MGAM: variants seen among roughly 807,000 people sequenced by gnomAD.
MGAM encodes the protein maltase-glucoamylase.
Under a neutral mutation model 358.8 loss-of-function variants are expected in MGAM, and 253 were observed. That is an observed-to-expected ratio of 0.71 (90% CI 0.64 to 0.78). The LOEUF (loss-of-function observed/expected upper bound fraction) is 0.78, where lower values mean the gene tolerates loss of function less well. MGAM is among the 30% of genes least tolerant of loss of function. The probability of loss-of-function intolerance (pLI) is 0.00; values close to 1 mark genes in which losing one functional copy is unlikely to be tolerated. For missense variants in MGAM, 3,080 were observed against 3,432.6 expected (o/e 0.90, Z 2.57); for synonymous variants, 1,105 against 1,227.1 (o/e 0.90, Z 2.08).
chr7:142,006,184 C>T (rs1476120917), intron 2 of MGAM, among the ~76,000 whole-genome samples: 1 of 151,848 alleles, frequency 6.6e-6, no homozygotes, highest in Non-Finnish European at 1.5e-5. Flanking sequence ...GTCTTTTTTA[C>T]ATTATTAACT....
chr7:142,022,533 G>A (rs1454348108), intron 7 of MGAM, 94 bp downstream of exon 7: 2 of 1,336,162 alleles, frequency 1.5e-6, no homozygotes, highest in African/African-American at 3.0e-5. Flanking sequence ...AAGAGTTAGA[G>A]TCTAGAGTGA....
intron 59 of MGAM, 138 bp downstream of exon 59, chr7:142,092,746 A>C: frequency 1.2e-6 from 1 of 847,622 alleles, no homozygotes; most frequent in Non-Finnish European, 1.8e-6. Context: ...GACCAGAGAC[A>C]AAAGCTCTGC....
intron 70 of MGAM, 82 bp downstream of exon 70, chr7:142,103,521 T>A: frequency 7.6e-7 from 1 of 1,309,268 alleles, no homozygotes. Context: ...CCCTTCCAAA[T>A]GATGCCCTCT....
rs1554469104 is a variant in MGAM at position 142,042,009 on chromosome 7, A to AAT, written c.2498+1167_2498+1168dup. 9.3e-3 allele frequency among the ~76,000 whole-genome samples: 150 copies of AAT among 16,124 alleles called. 4 individuals are homozygous for AAT. Among genetic ancestry groups the AAT allele is most frequent in the African/African-American group, 0.012 (68 of 5,788 alleles). The allele number at this position is 16,124 out of a possible 152,430, so 10.6% of individuals were successfully genotyped here. A position where few individuals can be genotyped will look rare whatever the true frequency, so the allele number is the denominator to read the frequency against. On this transcript the variant is annotated intron_variant, in intron 21 of 70. Transcript: ENST00000475668. The stretch of plus-strand genomic sequence containing the variant: ...TATAATATATATATATTATATATAT[A>AAT]ATATAATATATATATATTATATTAT...
intron 21 of MGAM, among the ~76,000 whole-genome samples, chr7:142,042,538 A>T (rs868265313): frequency 7.6e-5 from 1 of 13,178 alleles, no homozygotes. Context: ...TATATATATA[A>T]TATATATTAT....
chr7:142,080,236 T>G (rs1159171388), intron 49 of MGAM, among the ~76,000 whole-genome samples: 2 of 146,372 alleles, frequency 1.4e-5, no homozygotes, highest in East Asian at 4.0e-4. Context: ...CACCCAGGTG[T>G]TGTGAGCTGC....
At chr7:142,079,545 A>G (rs923033795) in intron 49 of MGAM, among the ~76,000 whole-genome samples, 5 of 146,068 alleles carry the variant, frequency 3.4e-5, no homozygotes, top group African/African-American at 1.2e-4. Flanking sequence ...TGAATTTGAG[A>G]TACGTATAAA....
intron 26 of MGAM, among the ~76,000 whole-genome samples, chr7:142,054,237 T>C (rs1585019601): frequency 2.0e-5 from 3 of 152,214 alleles, no homozygotes; most frequent in Non-Finnish European, 4.4e-5. Context: ...CTTATTCGCA[T>C]GTGAATTTCG....
chr7:142,003,380 G>A (rs9986889), intron 1 of MGAM, among the ~76,000 whole-genome samples: 3,100 of 151,826 alleles, frequency 0.02, 109 homozygotes, highest in African/African-American at 0.07. Context: ...CATATAAATC[G>A]GTAGAAAAGA....
rs1365080890 is a variant in MGAM at position 142,093,411 on chromosome 7, G to T, written c.7034-1G>T. 3 of 1,535,898 alleles carry T rather than the reference G, an allele frequency of 2.0e-6. 1 individual carries two copies. Reference sequence around the variant, plus strand: ...TCACCTCACCAGTTCTTCCTCCTCAGATTTGGAGTCCAGGGACAGGGGCCT... The same window carrying T: ...TCACCTCACCAGTTCTTCCTCCTCATATTTGGAGTCCAGGGACAGGGGCCT... On this transcript the variant is annotated splice_acceptor_variant, in intron 59 of 70. Transcript: ENST00000475668. LOFTEE classifies it high-confidence loss of function.
At chr7:142,043,745 A>G (rs1244358300) in intron 21 of MGAM, among the ~76,000 whole-genome samples, 3 of 85,618 alleles carry the variant, frequency 3.5e-5, no homozygotes, top group Non-Finnish European at 7.9e-5. Flanking sequence ...TATACATTAT[A>G]TACACATACG....
chr7:142,064,239 G>C (rs563069679), intron 36 of MGAM, 145 bp from the exon 37 acceptor site: 14 of 1,209,718 alleles, frequency 1.2e-5, no homozygotes, highest in Non-Finnish European at 1.5e-5. Context: ...AGCTGGGGGC[G>C]CTGTGCTCAT....
At chr7:142,060,951 C>T (rs914462193) in intron 34 of MGAM, among the ~76,000 whole-genome samples, 1 of 144,876 alleles carries the variant, frequency 6.9e-6, no homozygotes, top group African/African-American at 2.8e-5. Context: ...AACTTGCTCT[C>T]TCCTGGGGAC....
In MGAM at chr7:142,103,398, A is replaced by G. The variant is rs1816597249; in HGVS notation, c.8143A>G (p.Met2715Val). 8 of 1,611,972 alleles carry G rather than the reference A, an allele frequency of 5.0e-6. No homozygotes were observed. The highest frequency in any genetic ancestry group is 6.8e-6 in the Non-Finnish European group (8 of 1,179,248). Reference sequence around the variant, plus strand: ...CAGTGTCAGCATCTCTGTGAGTGGCATGGTCATAACACCCTCCTTCAACAA... The same window carrying G: ...CAGTGTCAGCATCTCTGTGAGTGGCGTGGTCATAACACCCTCCTTCAACAA... ...VTSVSISVSGMVITPSFNNDP... is the reference protein window; with the variant it reads ...VTSVSISVSGVVITPSFNNDP... The change falls in exon 70 of 71, where the codon ATG (methionine) becomes GTG (valine). Residue 2715 changes from methionine to valine, a missense_variant. By Grantham distance (21) the Met-to-Val change is conservative. Coordinates refer to ENST00000475668, the MANE Select transcript of MGAM (RefSeq NM_001365693.1).
chr7:142,056,782 G>A (rs759099529), intron 29 of MGAM, 48 bp from the exon 30 acceptor site: 54 of 1,582,502 alleles, frequency 3.4e-5, no homozygotes, highest in South Asian at 9.1e-5. Context: ...GGGGTGATTC[G>A]TGACATGGAA....
rs3087313 is a variant in MGAM, at chr7:142,063,574, C to A, written c.4333C>A (p.Pro1445Thr). The A allele has an allele frequency of 6.2e-7, 1 of 1,613,520 alleles. No homozygotes were observed. Among genetic ancestry groups the A allele is most frequent in the African/African-American group, 1.3e-5 (1 of 75,062 alleles). Residue 1445 changes from proline (P) to threonine (T), a missense_variant, in exon 36 of 71, where the codon CCC (proline) becomes ACC (threonine). Pro to Thr is a conservative substitution (Grantham distance 38). This residue lies in a region of MGAM where 1,816 missense variants were observed against 1,840.5 expected (regional missense o/e 0.99). Coordinates refer to ENST00000475668, the MANE Select transcript of MGAM (RefSeq NM_001365693.1). ...GCRDASLNHP[P>T]YMPHLESRDR... ...CAGGGACGCCTCTCTGAACCACCCT[C>A]CCTACATGCCACGTAAGAAGCCTTG... is the stretch of plus-strand genomic sequence containing the variant.
chr7:142,074,137 A>G lies in MGAM; in HGVS notation c.5239A>G (p.Lys1747Glu). 1.3e-6 allele frequency: 2 copies of G among 1,546,064 alleles called. No homozygotes were observed. The highest frequency in any genetic ancestry group is 1.1e-5 in the South Asian group (1 of 88,850). ...TGCCCTAGATGAAAACAAAGAAGCA[A>G]AAGGAGAACTTTTCTGGGATGATGG... ...IIALDENKEAKGELFWDDGQT... is the reference protein window; with the variant it reads ...IIALDENKEAEGELFWDDGQT... The change falls in exon 45 of 71, where the codon AAA becomes GAA. Residue 1747 changes from lysine (K) to glutamate (E), a missense_variant. Transcript: ENST00000475668.
At position 142,013,762 on chromosome 7, in the gene MGAM, G is replaced by GT. The variant is rs570077075; in HGVS notation, c.327+5063dup. ...GAAAGTCTGTGACAGATTCCTTTAG[G>GT]TTTTTTCTGGTTCTTCTCTCTACCC... On this transcript the variant is annotated intron_variant, in intron 3 of 70. Coordinates refer to ENST00000475668, the MANE Select transcript of MGAM (RefSeq NM_001365693.1). 1.1e-4 allele frequency among the ~76,000 whole-genome samples: 16 copies of GT among 152,222 alleles called. No individual in the cohort carries two copies. In the East Asian group the frequency reaches 1.5e-3, roughly 15 times the overall value.
upstream of MGAM, among the ~76,000 whole-genome samples, chr7:141,994,053 TTTAG>T: frequency 6.6e-6 from 1 of 152,226 alleles, no homozygotes; most frequent in South Asian, 2.1e-4. Context: ...TTTTCGTACT[TTTAG>T]TAGAGACGCG....
Sources: allele counts gnomAD v4.1 joint callset (sites outside exome capture counted in the v4.1 genomes callset), GRCh38; gene constraint gnomAD v4.1.1; regional missense constraint gnomAD v4.1.1; transcripts MANE v1.5; gene names NCBI Gene and HGNC (gene_info 2026-07-23, HGNC 2026-07-21).